CCAR1: variants seen among roughly 807,000 people sequenced by gnomAD.
CCAR1 encodes the protein cell division cycle and apoptosis regulator 1.
A neutral mutation model predicts 163.8 loss-of-function variants in CCAR1; 78 were observed. The observed-to-expected ratio is 0.48, with a 90% CI of 0.40 to 0.57. The LOEUF is 0.57. CCAR1 is among the 20% of genes least tolerant of loss of function. CCAR1 has a pLI of 0.00. For missense variants in CCAR1, 1,019 were observed against 1,365.2 expected (o/e 0.75, Z 4.00); for synonymous variants, 443 against 460.7 (o/e 0.96, Z 0.49).
intron 2 of CCAR1, among the ~76,000 whole-genome samples, chr10:68,731,629 T>C (rs1403428821): frequency 2.8e-5 from 4 of 144,366 alleles, no homozygotes; most frequent in Non-Finnish European, 6.0e-5. Flanking sequence ...AGAATCTTGC[T>C]CTGTCACCCA....
At chr10:68,777,908 G>T (rs1025074573) in intron 19 of CCAR1, among the ~76,000 whole-genome samples, 2 of 152,026 alleles carry the variant, frequency 1.3e-5, no homozygotes, top group Non-Finnish European at 2.9e-5. Flanking sequence ...CTCCAGCCTC[G>T]ACAATAAAGC....
chr10:68,724,650 G>A (rs906619809), intron 2 of CCAR1, among the ~76,000 whole-genome samples: 4 of 152,096 alleles, frequency 2.6e-5, no homozygotes, highest in African/African-American at 4.8e-5. Context: ...TGGACCTGGT[G>A]TTATGTACCT....
intron 15 of CCAR1, among the ~76,000 whole-genome samples, chr10:68,757,876 G>T (rs2056415348): frequency 6.7e-6 from 1 of 150,042 alleles, no homozygotes; most frequent in Non-Finnish European, 1.5e-5. Context: ...AAGGGGATGG[G>T]ACTATAGGCG....
intron 15 of CCAR1, among the ~76,000 whole-genome samples, chr10:68,760,372 G>C (rs886623997): frequency 1.3e-5 from 2 of 152,048 alleles, no homozygotes; most frequent in Non-Finnish European, 2.9e-5. Context: ...TAAATCTATA[G>C]TTTTGTGGGG....
chr10:68,779,965 G>GA (rs890791155), intron 19 of CCAR1, among the ~76,000 whole-genome samples: 1 of 152,034 alleles, frequency 6.6e-6, no homozygotes, highest in Non-Finnish European at 1.5e-5. Flanking sequence ...TATATATGGG[G>GA]AAAAAATAGG....
In CCAR1 at chr10:68,753,866, T is replaced by C. The variant is rs371450806; in HGVS notation, c.1133T>C (p.Met378Thr). 117 of 1,613,184 alleles carry C rather than the reference T, an allele frequency of 7.3e-5. No individual in the cohort carries two copies. The highest frequency in any genetic ancestry group is 9.8e-5 in the Non-Finnish European group (115 of 1,179,300). ...CTGTTTTTCAGTCCCAGTTGTGACATGATGGAACTAAGGCGCCGTTATCAA... is the reference window on the plus strand; with the variant it reads ...CTGTTTTTCAGTCCCAGTTGTGACACGATGGAACTAAGGCGCCGTTATCAA... Reference protein sequence around the residue: ...KFSLDCPSCDMMELRRRYQNL... With the variant: ...KFSLDCPSCDTMELRRRYQNL... The change falls in exon 11 of 25, where the codon ATG becomes ACG. Residue 378 changes from methionine (M) to threonine (T), a missense_variant. By Grantham distance (81) the Met-to-Thr change is moderately conservative. Coordinates refer to ENST00000265872, the MANE Select transcript of CCAR1 (RefSeq NM_018237.4).
intron 16 of CCAR1, among the ~76,000 whole-genome samples, chr10:68,761,813 GCT>G (rs1260287997): frequency 7.9e-5 from 12 of 151,384 alleles, no homozygotes; most frequent in Non-Finnish European, 4.4e-5. Context: ...TGTTGGTCAG[GCT>G]GGTCTCGAAC....
chr10:68,743,415 C>T (rs1440419356), intron 6 of CCAR1, among the ~76,000 whole-genome samples: 2 of 151,994 alleles, frequency 1.3e-5, no homozygotes, highest in Admixed American at 6.6e-5. Context: ...CCACCTGCCT[C>T]GGCCTCCCAG....
chr10:68,721,460 C>G (rs948178619), intron 1 of CCAR1, 178 bp downstream of exon 1: 3 of 353,696 alleles, frequency 8.5e-6, no homozygotes, highest in East Asian at 1.2e-4. Context: ...TTGTGCGGGT[C>G]GGAGCAGGCC....
intron 18 of CCAR1, among the ~76,000 whole-genome samples, chr10:68,771,999 T>G (rs907795958): frequency 1.3e-5 from 2 of 151,804 alleles, no homozygotes; most frequent in African/African-American, 4.8e-5. Context: ...GTCTCCCAAG[T>G]AGCTGAGACT....
Position 68,788,252 on chromosome 10 carries a change from C to G in CCAR1, c.3111C>G (p.Leu1037=). 1 of 1,599,802 alleles carries G rather than the reference C, an allele frequency of 6.3e-7. No homozygotes were observed. The highest frequency in any genetic ancestry group is 8.5e-7 in the Non-Finnish European group (1 of 1,175,722). Residue 1037 remains leucine (L), a synonymous_variant, in exon 23 of 25, where the codon CTC becomes CTG. Coordinates refer to ENST00000265872, the MANE Select transcript of CCAR1 (RefSeq NM_018237.4). ...YNGAMVDVGS[L]LQKLEKSEKV... ...GTGCAATGGTAGATGTAGGAAGCCT[C>G]TTGCAAAAATTGGAAAAGAGCGAAA...
chr10:68,769,137 C>G (rs147391186), intron 17 of CCAR1, among the ~76,000 whole-genome samples: 226 of 152,202 alleles, frequency 1.5e-3, no homozygotes, highest in African/African-American at 5.3e-3. Context: ...CCTACACACC[C>G]AGCTAATTTT....
intron 18 of CCAR1, among the ~76,000 whole-genome samples, chr10:68,772,155 A>C (rs956333600): frequency 1.3e-5 from 2 of 152,186 alleles, no homozygotes; most frequent in Non-Finnish European, 2.9e-5. Flanking sequence ...CTGGTATTAC[A>C]GATGTGAGCC....
chr10:68,749,730 T>C, intron 10 of CCAR1, 45 bp downstream of exon 10: 1 of 1,482,988 alleles, frequency 6.7e-7, no homozygotes, highest in Non-Finnish European at 9.3e-7. Flanking sequence ...ACTAATTTCA[T>C]ATAATTTGAT....
intron 19 of CCAR1, among the ~76,000 whole-genome samples, chr10:68,780,337 G>T (rs2056720740): frequency 1.3e-5 from 2 of 152,040 alleles, no homozygotes; most frequent in South Asian, 4.2e-4. Flanking sequence ...TAGGACTACA[G>T]GTGTGCACCA....
chr10:68,774,668 A>G (rs1350832665), intron 19 of CCAR1, among the ~76,000 whole-genome samples: 1 of 152,096 alleles, frequency 6.6e-6, no homozygotes, highest in Non-Finnish European at 1.5e-5. Context: ...TTTGTTTAAC[A>G]AAGACTATCA....
chr10:68,778,322 C>T (rs2056693177), intron 19 of CCAR1, among the ~76,000 whole-genome samples: 1 of 152,182 alleles, frequency 6.6e-6, no homozygotes, highest in Non-Finnish European at 1.5e-5. Context: ...AGAGTGGACC[C>T]CTCACATATG....
chr10:68,755,227 T>G (rs574602092), intron 12 of CCAR1, 143 bp from the exon 13 acceptor site: 11 of 802,552 alleles, frequency 1.4e-5, no homozygotes, highest in Admixed American at 3.4e-5. Context: ...TGGAACACAA[T>G]GAACTGAACT....
At chr10:68,775,034 A>G (rs2056647392) in intron 19 of CCAR1, 1 of 331,218 alleles carries the variant, frequency 3.0e-6, no homozygotes, top group South Asian at 2.4e-5. Context: ...TCAGTTTTTA[A>G]TATTGTTTAA....
Sources: gnomAD v4.1 joint callset for allele counts (sites outside exome capture counted in the v4.1 genomes callset) on GRCh38, gnomAD v4.1.1 for gene constraint, MANE v1.5 for transcripts, NCBI Gene and HGNC (gene_info 2026-07-23, HGNC 2026-07-21) for gene names.